TMEM255B: variants seen among roughly 807,000 people sequenced by gnomAD.
TMEM255B encodes the protein transmembrane protein 255B, also known as family with sequence similarity 70, member B.
Under a neutral mutation model 34.5 loss-of-function variants are expected in TMEM255B, and 35 were observed. The observed-to-expected ratio is 1.01, with a 90% CI of 0.77 to 1.34. The LOEUF (loss-of-function observed/expected upper bound fraction) is 1.34, where lower values mean the gene tolerates loss of function less well. Ranked by LOEUF, TMEM255B falls within the 40% of genes most tolerant of loss-of-function variation. The pLI, the probability that TMEM255B is intolerant of heterozygous loss-of-function variation, is 0.00. For missense variants in TMEM255B, 432 were observed against 433.2 expected, an observed-to-expected ratio of 1.00 and a Z score of 0.02; for synonymous variants, 206 against 201.2, an observed-to-expected ratio of 1.02 and a Z score of -0.20.
rs1384954581 is a variant in TMEM255B, at chr13:113,812,153, C to T, written c.*250C>T. 3.8e-6 allele frequency: 2 copies of T among 529,436 alleles called. No homozygotes were observed. The highest frequency in any genetic ancestry group is 2.0e-5 in the African/African-American group (1 of 50,358). The allele number at this position is 529,436 out of a possible 1,614,324, so 32.8% of individuals were successfully genotyped here. A position where few individuals can be genotyped will look rare whatever the true frequency, so the allele number is the denominator to read the frequency against. On this transcript the variant is annotated 3_prime_UTR_variant, in exon 9 of 9. Transcript: ENST00000375353. ...CACATCAAATGGCGCTGAAAGTTCCCACCCGGCCTCCTCCTCTGAGAGCAA... is the reference window on the plus strand; with the variant it reads ...CACATCAAATGGCGCTGAAAGTTCCTACCCGGCCTCCTCCTCTGAGAGCAA...
At chr13:113,777,844 C>A (rs1363929149) in intron 3 of TMEM255B, among the ~76,000 whole-genome samples, 2 of 152,206 alleles carry the variant, frequency 1.3e-5, no homozygotes, top group Non-Finnish European at 2.9e-5. Context: ...GCTCTGCCTC[C>A]CCCTGAGTGC....
At chr13:113,811,418 G>A (rs539245403) in intron 8 of TMEM255B, among the ~76,000 whole-genome samples, 1 of 141,666 alleles carries the variant, frequency 7.1e-6, no homozygotes, top group South Asian at 2.4e-4. Flanking sequence ...CTGGGTCTCC[G>A]GGGGAGGGGA....
At chr13:113,804,125 T>C (rs2051119033) in intron 7 of TMEM255B, among the ~76,000 whole-genome samples, 1 of 152,182 alleles carries the variant, frequency 6.6e-6, no homozygotes. Flanking sequence ...TCCCCGCGTT[T>C]CTGGCCCGGG....
At chr13:113,796,097 AC>A (rs2050927261) in intron 4 of TMEM255B, among the ~76,000 whole-genome samples, 1 of 147,360 alleles carries the variant, frequency 6.8e-6, no homozygotes, top group Non-Finnish European at 1.5e-5. Context: ...CACAGCACAC[AC>A]CACACAACAC....
rs1339799150 is a variant in TMEM255B at position 113,801,684 on chromosome 13, A to T, written c.541A>T (p.Ile181Phe). 1.2e-6 allele frequency: 2 copies of T among 1,612,490 alleles called. No homozygotes were observed. Among genetic ancestry groups the T allele is most frequent in the South Asian group, 2.2e-5 (2 of 90,946 alleles). The change falls in exon 7 of 9, where the codon ATC becomes TTC. Residue 181 changes from isoleucine (I) to phenylalanine (F), a missense_variant. Ile to Phe is a conservative substitution (Grantham distance 21). Coordinates refer to ENST00000375353, the MANE Select transcript of TMEM255B (RefSeq NM_182614.4). ...GCCCTCGCCCGCCTACTATGAGTTCATCGGCGTCAGCGGCTGCCAGGACGT... is the reference window on the plus strand; with the variant it reads ...GCCCTCGCCCGCCTACTATGAGTTCTTCGGCGTCAGCGGCTGCCAGGACGT... The part of the protein sequence containing the change: ...AEPSPAYYEF[I>F]GVSGCQDVLH...
At chr13:113,772,850 T>G (rs757785548) in intron 3 of TMEM255B, among the ~76,000 whole-genome samples, 2 of 152,230 alleles carry the variant, frequency 1.3e-5, no homozygotes, top group Non-Finnish European at 2.9e-5. Context: ...TCTTCCAGCC[T>G]TGTTCTTTTT....
chr13:113,812,961 G>A lies in TMEM255B; in HGVS notation c.*1058G>A, dbSNP rs35807534. The stretch of plus-strand genomic sequence containing the variant: ...GGGTCACGGGTCCCGGGTGGGTCAC[G>A]GGCCCCGGGTGGGTCACGGGTCCCG... On this transcript the variant is annotated 3_prime_UTR_variant, in exon 9 of 9. Coordinates refer to ENST00000375353, the MANE Select transcript of TMEM255B (RefSeq NM_182614.4). 36,700 of 100,994 alleles carry A rather than the reference G, an allele frequency of 0.36. 6,993 individuals are homozygous for A. Among genetic ancestry groups the A allele is most frequent in the East Asian group, 0.75 (2,997 of 3,992 alleles). 6.3% of individuals were successfully genotyped at this position (100,994 alleles called of 1,614,324 possible). A position where few individuals can be genotyped will look rare whatever the true frequency, so the allele number is the denominator to read the frequency against.
chr13:113,795,070 C>G (rs2050896389), intron 3 of TMEM255B, 78 bp from the exon 4 acceptor site: 1 of 1,351,558 alleles, frequency 7.4e-7, no homozygotes, highest in Admixed American at 1.8e-5. Context: ...CGACCTCGAG[C>G]TGGGACTTTG....
intron 6 of TMEM255B, 34 bp from the exon 7 acceptor site, chr13:113,801,619 C>T (rs371335247): frequency 4.9e-5 from 77 of 1,556,214 alleles, no homozygotes; most frequent in African/African-American, 4.2e-4. Context: ...TCACTTGCCT[C>T]GTGCGGTGAC....
intron 3 of TMEM255B, 140 bp from the exon 4 acceptor site, chr13:113,795,008 G>A: frequency 1.3e-6 from 1 of 744,322 alleles, no homozygotes; most frequent in Non-Finnish European, 2.3e-6. Flanking sequence ...AGGGCTGGAA[G>A]TCATAGGACG....
intron 8 of TMEM255B, among the ~76,000 whole-genome samples, chr13:113,808,797 G>GGGC (rs1555302355): frequency 8.7e-6 from 1 of 115,548 alleles, no homozygotes; most frequent in Non-Finnish European, 1.7e-5. Flanking sequence ...GTTCCTGGGG[G>GGGC]GGGGGTTACT....
At chr13:113,772,491 C>A (rs1342583974) in intron 3 of TMEM255B, among the ~76,000 whole-genome samples, 4 of 152,052 alleles carry the variant, frequency 2.6e-5, no homozygotes, top group Non-Finnish European at 5.9e-5. Context: ...GTCTGTGATC[C>A]ACTTTGAGTT....
At chr13:113,782,597 G>C (rs1218015582) in intron 3 of TMEM255B, among the ~76,000 whole-genome samples, 2 of 152,134 alleles carry the variant, frequency 1.3e-5, no homozygotes, top group African/African-American at 4.8e-5. Flanking sequence ...CACTGGACAT[G>C]GGGGCGCAGG....
In TMEM255B at chr13:113,806,123, TC is replaced by T. The variant is rs2051166679; in HGVS notation, c.813+1097del. ...GGAAAAGATCTTCCTTAGAGGGACA[TC>T]CGGGGGAGGCCTGTGCACACTCTGC... On this transcript the variant is annotated intron_variant, in intron 8 of 8. Transcript: ENST00000375353. This position sits in a 1 kb window ranked among gnomAD's most constrained non-coding sequence, Gnocchi z 4.2. 6.6e-6 allele frequency among the ~76,000 whole-genome samples: 1 copy of T among 152,098 alleles called. No individual in the cohort carries two copies.
At chr13:113,790,100 GC>G (rs2138555548) in intron 3 of TMEM255B, among the ~76,000 whole-genome samples, 1 of 140,318 alleles carries the variant, frequency 7.1e-6, no homozygotes, top group Admixed American at 7.1e-5. Context: ...ACATCCTAGT[GC>G]TGGACTGACC....
chr13:113,799,990 G>C, intron 5 of TMEM255B: 1 of 1,256,070 alleles, frequency 8.0e-7, no homozygotes, highest in Non-Finnish European at 1.0e-6. Flanking sequence ...CAGAGGAGGA[G>C]GAGCTGGAGG....
chr13:113,795,360 G>C (rs912008513), intron 4 of TMEM255B, 123 bp downstream of exon 4: 49 of 1,018,704 alleles, frequency 4.8e-5, no homozygotes, highest in Middle Eastern at 2.6e-4. Flanking sequence ...TCCACGCTGG[G>C]GGTTGCCAGT....
intron 1 of TMEM255B, among the ~76,000 whole-genome samples, chr13:113,761,714 C>T (rs2050311508): frequency 1.3e-5 from 2 of 152,198 alleles, no homozygotes; most frequent in Non-Finnish European, 2.9e-5. Context: ...GCCCACGTAT[C>T]GTGTCTCACT....
chr13:113,793,038 T>G (rs2050857648), intron 3 of TMEM255B, among the ~76,000 whole-genome samples: 1 of 152,176 alleles, frequency 6.6e-6, no homozygotes, highest in Non-Finnish European at 1.5e-5. Context: ...CAAGGACCAC[T>G]AGGGGCAAGT....
Sources: gnomAD v4.1 joint callset for allele counts (sites outside exome capture counted in the v4.1 genomes callset) on GRCh38, gnomAD v4.1.1 for gene constraint, Gnocchi (gnomAD v3.1) non-coding constraint, MANE v1.5 for transcripts, NCBI Gene and HGNC (gene_info 2026-07-23, HGNC 2026-07-21) for gene names.